The following SMARCC1 variants were observed in gnomAD, a reference collection of about 807,000 sequenced individuals.
SMARCC1 encodes the protein SWI/SNF complex subunit SMARCC1.
SMARCC1 carries 43 observed loss-of-function variants against 147.4 expected under a neutral mutation model. The observed-to-expected ratio is 0.29, with a 90% CI of 0.23 to 0.38. The LOEUF is 0.38. Ranked by LOEUF, SMARCC1 falls within the 10% of genes least tolerant of loss-of-function variation. The probability of loss-of-function intolerance (pLI) is 1.00; values close to 1 mark genes in which losing one functional copy is unlikely to be tolerated. For synonymous variants in SMARCC1, 495 were observed against 484.4 expected, an observed-to-expected ratio of 1.02 and a Z score of -0.29; for missense variants, 1,119 against 1,381.1, an observed-to-expected ratio of 0.81 and a Z score of 3.01.
intron 20 of SMARCC1, among the ~76,000 whole-genome samples, chr3:47,661,935 T>A (rs1349397123): frequency 6.6e-6 from 1 of 152,158 alleles, no homozygotes; most frequent in African/African-American, 2.4e-5. Context: ...AAAAAACCTC[T>A]GTCCCTCCAA....
At chr3:47,757,024 G>A (rs906541432) in intron 2 of SMARCC1, among the ~76,000 whole-genome samples, 2 of 152,094 alleles carry the variant, frequency 1.3e-5, no homozygotes, top group Non-Finnish European at 2.9e-5. Context: ...GCCGAGCTGG[G>A]AGAATCACTT....
chr3:47,761,441 G>T (rs1188315015), intron 2 of SMARCC1, among the ~76,000 whole-genome samples: 1 of 151,982 alleles, frequency 6.6e-6, no homozygotes, highest in Non-Finnish European at 1.5e-5. Context: ...TAGATTATAT[G>T]GTAAATAATG....
chr3:47,770,449 C>T (rs1176557954), intron 2 of SMARCC1, among the ~76,000 whole-genome samples: 2 of 151,658 alleles, frequency 1.3e-5, no homozygotes, highest in Admixed American at 6.6e-5. Flanking sequence ...GGTGAAACCC[C>T]GTCTCTACTA....
rs371158061 is a variant in SMARCC1, at chr3:47,729,278, TC to T, written c.577-185del. On this transcript the variant is annotated intron_variant, in intron 5 of 27. Coordinates refer to ENST00000254480, the MANE Select transcript of SMARCC1 (RefSeq NM_003074.4). ...TTAACAACAATAAACCAAAAAATTG[TC>T]TACACAGTTTAGACTGCTGTATAGA... Among the ~76,000 whole-genome samples, 811 of 152,352 alleles carry T rather than the reference TC, an allele frequency of 5.3e-3. 4 individuals carry two copies. Among genetic ancestry groups the T allele is most frequent in the Non-Finnish European group, 8.7e-3 (590 of 68,040 alleles).
intron 1 of SMARCC1, among the ~76,000 whole-genome samples, chr3:47,780,970 T>C (rs2035039752): frequency 6.6e-6 from 1 of 151,648 alleles, no homozygotes; most frequent in Non-Finnish European, 1.5e-5. Flanking sequence ...ACGAAGAAAA[T>C]AAAGGTGACA....
intron 15 of SMARCC1, 192 bp downstream of exon 15, chr3:47,680,245 C>T (rs928584915): frequency 7.4e-5 from 37 of 499,926 alleles, no homozygotes; most frequent in Middle Eastern, 3.0e-4. Context: ...AAAAAACCCC[C>T]CAAAACAAAA....
At chr3:47,697,634 A>G (rs2033869270) in intron 11 of SMARCC1, among the ~76,000 whole-genome samples, 1 of 151,764 alleles carries the variant, frequency 6.6e-6, no homozygotes, top group Non-Finnish European at 1.5e-5. Flanking sequence ...AAAAAAAAAA[A>G]AATTCCAAAC....
chr3:47,742,435 G>A (rs1039485963), intron 3 of SMARCC1, among the ~76,000 whole-genome samples: 1 of 152,034 alleles, frequency 6.6e-6, no homozygotes, highest in Non-Finnish European at 1.5e-5. Flanking sequence ...TCCATGAATA[G>A]GTCAAACTTG....
intron 26 of SMARCC1, among the ~76,000 whole-genome samples, chr3:47,596,877 T>A (rs1300881507): frequency 6.6e-6 from 1 of 152,068 alleles, no homozygotes; most frequent in Non-Finnish European, 1.5e-5. Context: ...TCCTTCTTTT[T>A]TTTTTTATTT....
chr3:47,605,552 A>AC (rs771066595), intron 26 of SMARCC1, among the ~76,000 whole-genome samples: 2 of 152,186 alleles, frequency 1.3e-5, no homozygotes, highest in Non-Finnish European at 2.9e-5. Flanking sequence ...CGGGAGGACT[A>AC]CTTAAGCCCA....
At chr3:47,762,569 G>A (rs2034785605) in intron 2 of SMARCC1, among the ~76,000 whole-genome samples, 1 of 152,224 alleles carries the variant, frequency 6.6e-6, no homozygotes, top group East Asian at 1.9e-4. Context: ...AACATTTTAT[G>A]CTCAACGTAT....
At chr3:47,702,658 G>A (rs1446265114) in intron 10 of SMARCC1, among the ~76,000 whole-genome samples, 1 of 152,188 alleles carries the variant, frequency 6.6e-6, no homozygotes, top group East Asian at 1.9e-4. Context: ...GAATGCAGTG[G>A]TGCAATCACA....
intron 21 of SMARCC1, among the ~76,000 whole-genome samples, chr3:47,650,231 G>A (rs1334180309): frequency 1.3e-5 from 2 of 150,442 alleles, no homozygotes; most frequent in African/African-American, 4.9e-5. Flanking sequence ...AGCGGAGATC[G>A]TGCAACTGCA....
At chr3:47,709,569 C>T (rs1417941632) in intron 9 of SMARCC1, among the ~76,000 whole-genome samples, 1 of 151,940 alleles carries the variant, frequency 6.6e-6, no homozygotes, top group East Asian at 1.9e-4. Context: ...GCCTGTAGTC[C>T]CAACTACTTG....
chr3:47,692,235 TA>T (rs1274535637), intron 12 of SMARCC1, among the ~76,000 whole-genome samples: 2 of 152,216 alleles, frequency 1.3e-5, no homozygotes, highest in Admixed American at 1.3e-4. Context: ...AAACTACCCC[TA>T]TTTAATGTTT....
chr3:47,691,852 T>A (rs539401732), intron 12 of SMARCC1, among the ~76,000 whole-genome samples: 1 of 151,802 alleles, frequency 6.6e-6, no homozygotes, highest in East Asian at 1.9e-4. Context: ...ATACAAAAAT[T>A]AGCTGGGCGT....
intron 2 of SMARCC1, among the ~76,000 whole-genome samples, chr3:47,767,399 C>T (rs1203454208): frequency 6.8e-6 from 1 of 147,246 alleles, no homozygotes; most frequent in African/African-American, 2.5e-5. Context: ...TACCACCACA[C>T]TCGGCTAATT....
intron 6 of SMARCC1, among the ~76,000 whole-genome samples, chr3:47,727,904 CAT>C (rs993291520): frequency 2.6e-5 from 4 of 151,706 alleles, no homozygotes; most frequent in African/African-American, 9.7e-5. Context: ...TTTTTTAAGA[CAT>C]GAGATTTCAC....
chr3:47,744,040 G>A (rs926636153), intron 3 of SMARCC1, among the ~76,000 whole-genome samples: 10 of 152,090 alleles, frequency 6.6e-5, no homozygotes, highest in East Asian at 5.8e-4. Context: ...GAGACATGCC[G>A]TTGCTCCTAG....
Sources: allele counts gnomAD v4.1 joint callset (sites outside exome capture counted in the v4.1 genomes callset), GRCh38; gene constraint gnomAD v4.1.1; transcripts MANE v1.5; gene names NCBI Gene and HGNC (gene_info 2026-07-23, HGNC 2026-07-21).